The following MUC20 variants were observed in gnomAD, a reference collection of about 807,000 sequenced individuals.
The protein encoded by MUC20 is mucin-20.
A neutral mutation model predicts 23.8 loss-of-function variants in MUC20; 14 were observed. That is an observed-to-expected ratio of 0.59 (90% confidence interval 0.39 to 0.92). The LOEUF is 0.92. Ranked by LOEUF, MUC20 falls within the 40% of genes least tolerant of loss-of-function variation. The probability of loss-of-function intolerance (pLI) is 0.00; values close to 1 mark genes in which losing one functional copy is unlikely to be tolerated. For synonymous variants in MUC20, 166 were observed against 279.3 expected, an observed-to-expected ratio of 0.59 and a Z score of 4.04; for missense variants, 375 against 668.8, an observed-to-expected ratio of 0.56 and a Z score of 4.85.
chr3:195,728,427 A>G (rs1228248922), intron 2 of MUC20, among the ~76,000 whole-genome samples: 2 of 152,420 alleles, frequency 1.3e-5, no homozygotes, highest in South Asian at 2.1e-4. Flanking sequence ...ATGTGCACGT[A>G]GGCCAGATTT....
At position 195,726,634 on chromosome 3, in the gene MUC20, G is replaced by T. The variant is rs1226273516; in HGVS notation, c.1969+62G>T. The T allele has an allele frequency of 2.6e-6, 4 of 1,536,770 alleles. No homozygotes were observed. The East Asian group carries it at 6.8e-5, about 26-fold the overall frequency. On this transcript the variant is annotated intron_variant, in intron 2 of 3. Transcript: ENST00000447234. ...GATGCGGAGTTTCCAGGACGTCTCCGCACTTGAGGAGTGGAGAGGAGGGAA... is the reference window on the plus strand; with the variant it reads ...GATGCGGAGTTTCCAGGACGTCTCCTCACTTGAGGAGTGGAGAGGAGGGAA...
At chr3:195,730,515 T>G (rs1713278685) in intron 3 of MUC20, among the ~76,000 whole-genome samples, 1 of 147,458 alleles carries the variant, frequency 6.8e-6, no homozygotes, top group South Asian at 2.2e-4. Flanking sequence ...CCAACTAATT[T>G]TTATGTTTTT....
intron 3 of MUC20, 179 bp downstream of exon 3, chr3:195,729,918 T>G (rs1713192453): frequency 1.6e-6 from 1 of 641,296 alleles, no homozygotes; most frequent in African/African-American, 1.8e-5. Flanking sequence ...CTGCCTGCCT[T>G]CTCCGAGTTC....
chr3:195,732,326 TTTTC>T (rs1433440599), intron 3 of MUC20, among the ~76,000 whole-genome samples: 4 of 134,910 alleles, frequency 3.0e-5, no homozygotes, highest in African/African-American at 1.0e-4. Context: ...CCAGTTTTCT[TTTTC>T]TTTTTCTTTT....
chr3:195,721,387 A>G (rs1712082710), intron 1 of MUC20, among the ~76,000 whole-genome samples: 1 of 151,864 alleles, frequency 6.6e-6, no homozygotes, highest in Non-Finnish European at 1.5e-5. Flanking sequence ...GGGATGGCTG[A>G]GAGTTTGTCT....
intron 3 of MUC20, chr3:195,730,214 T>G: frequency 6.2e-6 from 1 of 161,602 alleles, no homozygotes; most frequent in African/African-American, 2.4e-5. Flanking sequence ...TTCTCTTTCT[T>G]TCCCTGTCTT....
intron 3 of MUC20, among the ~76,000 whole-genome samples, chr3:195,731,671 T>C (rs1713399274): frequency 6.6e-6 from 1 of 152,256 alleles, no homozygotes; most frequent in Non-Finnish European, 1.5e-5. Flanking sequence ...TCTCGCTGCC[T>C]TTTTGTCTCA....
rs755169140 is a variant in MUC20, at chr3:195,733,256, A to T, written c.*38A>T. The T allele has an allele frequency of 5.1e-6, 8 of 1,564,444 alleles. No homozygotes were observed. The highest frequency in any genetic ancestry group is 6.9e-6 in the Non-Finnish European group (8 of 1,155,204). On this transcript the variant is annotated 3_prime_UTR_variant, in exon 4 of 4. Transcript: ENST00000447234. ...GCAGCCAGGCATGTCCCGTATGCCA[A>T]AAGAGGGTGCTGCCCCTAGCCTGGG...
chr3:195,730,095 T>TA (rs770894557), intron 3 of MUC20: 105 of 153,188 alleles, frequency 6.9e-4, no homozygotes, highest in Admixed American at 1.9e-3. Context: ...CAGGGCAGTT[T>TA]ATGCAAAAAA....
intron 3 of MUC20, chr3:195,730,021 A>G: frequency 2.2e-6 from 1 of 448,702 alleles, no homozygotes; most frequent in East Asian, 3.8e-5. Flanking sequence ...CTCTGAGGCA[A>G]AGGTCAGTGA....
chr3:195,732,322 T>G (rs1377959274), intron 3 of MUC20, among the ~76,000 whole-genome samples: 2 of 138,584 alleles, frequency 1.4e-5, no homozygotes, highest in African/African-American at 2.5e-5. Flanking sequence ...GAAGCCAGTT[T>G]TCTTTTTCTT....
Position 195,732,244 on chromosome 3 carries a change from C to T in MUC20, c.2062-906C>T, listed in dbSNP as rs369216064. On this transcript the variant is annotated intron_variant, in intron 3 of 3. Coordinates refer to ENST00000447234, the MANE Select transcript of MUC20 (RefSeq NM_001282506.2). ...CAGGCTAGTCTTGAACTCTTGACCT[C>T]ATGATCCACCCACCTCAGCCTCCCA... is the stretch of plus-strand genomic sequence containing the variant. Among the ~76,000 whole-genome samples the T allele has an allele frequency of 6.6e-5, 10 of 152,346 alleles. 1 individual carries two copies. In the South Asian group the frequency reaches 1.0e-3, roughly 16 times the overall value.
At chr3:195,721,295 AATC>A (rs71929056) in intron 1 of MUC20, among the ~76,000 whole-genome samples, 18,878 of 148,334 alleles carry the variant, frequency 0.13, 75 homozygotes, top group South Asian at 0.19. Flanking sequence ...AGTACACACT[AATC>A]AACCATGACG....
At chr3:195,730,099 CAAAAAAAA>C (rs4036961) in intron 3 of MUC20, 219 of 93,094 alleles carry the variant, frequency 2.4e-3, no homozygotes, top group East Asian at 0.011. Flanking sequence ...GCAGTTTATG[CAAAAAAAA>C]AAAAAAAAAA....
At chr3:195,728,677 T>A (rs1577856607) in intron 2 of MUC20, among the ~76,000 whole-genome samples, 2 of 152,166 alleles carry the variant, frequency 1.3e-5, no homozygotes, top group Admixed American at 6.5e-5. Context: ...CACAGACCCT[T>A]TACGGGTGTC....
At chr3:195,727,462 A>G (rs1030461434) in intron 2 of MUC20, among the ~76,000 whole-genome samples, 5 of 152,234 alleles carry the variant, frequency 3.3e-5, no homozygotes, top group Non-Finnish European at 5.9e-5. Flanking sequence ...TTCTCAGGGG[A>G]GAAGTTCATT....
At chr3:195,728,434 A>G (rs1380400027) in intron 2 of MUC20, among the ~76,000 whole-genome samples, 4 of 152,292 alleles carry the variant, frequency 2.6e-5, no homozygotes, top group Non-Finnish European at 5.9e-5. Flanking sequence ...CGTAGGCCAG[A>G]TTTATGTTTC....
chr3:195,726,531 C>A lies in MUC20; in HGVS notation c.1928C>A (p.Pro643His), dbSNP rs1281909387. ...ACGATGAAGCCCCCAACAGCCACGC[C>A]CACGACTGCCCGGACGAGGCCGACC... ...KTTMKPPTAT[P>H]TTARTRPTTD... is the part of the protein sequence containing the mutation. Residue 643 changes from proline to histidine, a missense_variant, in exon 2 of 4, where the codon CCC becomes CAC. By Grantham distance (77) the Pro-to-His change is moderately conservative (BLOSUM62 -2). Around this residue, in one of 4 missense-constraint regions of MUC20, gnomAD observed 343 missense variants for 340.2 expected, o/e 1.01. Transcript: ENST00000447234. The A allele has an allele frequency of 1.2e-6, 2 of 1,614,016 alleles. No individual in the cohort carries two copies. Among genetic ancestry groups the A allele is most frequent in the South Asian group, 1.1e-5 (1 of 91,080 alleles).
chr3:195,730,695 A>G (rs1713300876), intron 3 of MUC20, among the ~76,000 whole-genome samples: 1 of 152,192 alleles, frequency 6.6e-6, no homozygotes, highest in Non-Finnish European at 1.5e-5. Context: ...GCAGGTCTCC[A>G]TGGCCTGCAA....
Sources: gnomAD v4.1 joint callset for allele counts (sites outside exome capture counted in the v4.1 genomes callset) on GRCh38, gnomAD v4.1.1 for gene constraint, gnomAD v4.1.1 regional missense constraint, MANE v1.5 for transcripts, NCBI Gene and HGNC (gene_info 2026-07-23, HGNC 2026-07-21) for gene names.